The following ZDHHC3 variants were observed in gnomAD, a reference collection of about 807,000 sequenced individuals.
ZDHHC3 encodes the protein zDHHC palmitoyltransferase 3, also known as palmitoyltransferase ZDHHC3.
In ZDHHC3, 9 loss-of-function variants were observed where a neutral mutation model predicts 30.6. The observed-to-expected ratio is 0.29, with a 90% CI of 0.18 to 0.51. The LOEUF is 0.51. Among genes scored for constraint, ZDHHC3 ranks in the 20% least tolerant of loss-of-function variants. ZDHHC3 has a pLI of 0.97. For missense variants in ZDHHC3, 246 were observed against 384.2 expected, an observed-to-expected ratio of 0.64 and a Z score of 3.01; for synonymous variants, 136 against 140.2, an observed-to-expected ratio of 0.97 and a Z score of 0.21.
intron 2 of ZDHHC3, among the ~76,000 whole-genome samples, chr3:44,953,651 A>G (rs1339792415): frequency 6.6e-6 from 1 of 152,214 alleles, no homozygotes; most frequent in East Asian, 1.9e-4. Flanking sequence ...CCAGGCCTGC[A>G]TCACTGGCCA....
chr3:44,956,000 G>A lies in ZDHHC3; in HGVS notation c.306+3131C>T, dbSNP rs142036822. ...AAAATACACCTCTGGGAAGCTAACT[G>A]TTGTTTAGGATACAGTCTGTGCCTC... On this transcript the variant is annotated intron_variant, in intron 2 of 6. Transcript: ENST00000424952. 1.1e-3 allele frequency among the ~76,000 whole-genome samples: 171 copies of A among 152,336 alleles called. 1 individual carries two copies. The highest frequency in any genetic ancestry group is 4.1e-3 in the African/African-American group (169 of 41,556).
intron 1 of ZDHHC3, among the ~76,000 whole-genome samples, chr3:44,970,650 T>G (rs1182939997): frequency 6.6e-6 from 1 of 152,262 alleles, no homozygotes; most frequent in East Asian, 1.9e-4. Flanking sequence ...TTTGCTAATA[T>G]TCAAAAAGAA....
chr3:44,964,224 C>G (rs142626062), intron 1 of ZDHHC3, among the ~76,000 whole-genome samples: 1 of 152,094 alleles, frequency 6.6e-6, no homozygotes, highest in Admixed American at 6.5e-5. Flanking sequence ...CAGAAAAACC[C>G]GAACACCAAA....
At chr3:44,958,796 G>T in intron 2 of ZDHHC3, 1 of 954,888 alleles carries the variant, frequency 1.0e-6, no homozygotes, top group Non-Finnish European at 1.5e-6. Flanking sequence ...CTGATCATCT[G>T]GCCCCAGTCT....
In ZDHHC3 at chr3:44,945,256, T is replaced by C. The variant is rs376006143; in HGVS notation, c.343A>G (p.Ile115Val). The C allele has an allele frequency of 5.0e-6, 8 of 1,614,096 alleles. No individual in the cohort carries two copies. The highest frequency in any genetic ancestry group is 1.1e-5 in the South Asian group (1 of 91,092). Residue 115 changes from isoleucine (I) to valine (V), a missense_variant, in exon 3 of 7, where the codon ATC becomes GTC. Physicochemically the swap from Ile to Val is conservative, Grantham distance 29 (BLOSUM62 3). Coordinates refer to ENST00000424952, the MANE Select transcript of ZDHHC3 (RefSeq NM_001135179.2). The stretch of plus-strand genomic sequence containing the variant: ...CCAGGCTTCAACTGTAAACTCTCGA[T>C]GAATTCTTTAGTGGCATTTCCTTTG... ...VPKGNATKEFIESLQLKPGQV... is the reference protein window; with the variant it reads ...VPKGNATKEFVESLQLKPGQV...
At chr3:44,960,316 A>C (rs1043139419) in intron 1 of ZDHHC3, among the ~76,000 whole-genome samples, 1 of 152,174 alleles carries the variant, frequency 6.6e-6, no homozygotes, top group African/African-American at 2.4e-5. Flanking sequence ...TGCTGGTATG[A>C]AGGTTGAGGG....
chr3:44,946,667 G>C (rs1559690764), intron 2 of ZDHHC3, among the ~76,000 whole-genome samples: 1 of 152,160 alleles, frequency 6.6e-6, no homozygotes, highest in Admixed American at 6.5e-5. Flanking sequence ...ATGTATAGAG[G>C]CTGGCTAGGT....
intron 2 of ZDHHC3, chr3:44,958,644 C>T (rs1430660050): frequency 3.3e-6 from 5 of 1,536,000 alleles, no homozygotes; most frequent in Non-Finnish European, 4.4e-6. Flanking sequence ...GGAAAAGATG[C>T]ACCTCGCCCA....
intron 1 of ZDHHC3, among the ~76,000 whole-genome samples, chr3:44,968,666 A>T (rs1705157213): frequency 6.6e-6 from 1 of 152,248 alleles, no homozygotes; most frequent in Admixed American, 6.5e-5. Flanking sequence ...ACTGCACTCC[A>T]GCTTGGGTGA....
In ZDHHC3 at chr3:44,922,734, C is replaced by A. The variant is rs575981270; in HGVS notation, c.*3955G>T. ...TTAAGACACGGGCTGCTGGGCCCCGCTCGGTTTCTGGTTCGGTAGCCTGGG... is the reference window on the plus strand; with the variant it reads ...TTAAGACACGGGCTGCTGGGCCCCGATCGGTTTCTGGTTCGGTAGCCTGGG... On this transcript the variant is annotated 3_prime_UTR_variant, in exon 7 of 7. Transcript: ENST00000424952. 1 of 984,880 alleles carries A rather than the reference C, an allele frequency of 1.0e-6. No homozygotes were observed. The highest frequency in any genetic ancestry group is 1.1e-4 in the East Asian group (1 of 8,808). 61.0% of individuals were successfully genotyped at this position (984,880 alleles called of 1,614,324 possible). A position where few individuals can be genotyped will look rare whatever the true frequency, so the allele number is the denominator to read the frequency against.
intron 3 of ZDHHC3, among the ~76,000 whole-genome samples, chr3:44,936,424 A>G (rs1701964623): frequency 6.6e-6 from 1 of 152,256 alleles, no homozygotes; most frequent in Non-Finnish European, 1.5e-5. Flanking sequence ...AAATTGGTTC[A>G]ACCATTGTGG....
intron 2 of ZDHHC3, among the ~76,000 whole-genome samples, chr3:44,952,882 C>T (rs1011971822): frequency 2.0e-5 from 3 of 152,220 alleles, no homozygotes; most frequent in Admixed American, 6.5e-5. Flanking sequence ...GTATGGAACA[C>T]GTCATTTAAT....
chr3:44,961,007 C>T (rs2125913013), intron 1 of ZDHHC3, among the ~76,000 whole-genome samples: 1 of 152,364 alleles, frequency 6.6e-6, no homozygotes, highest in East Asian at 1.9e-4. Flanking sequence ...GCTAAATGTG[C>T]TATTACGTAT....
chr3:44,925,881 GATGAAACAAAGGAAAACGTAGCTTGC>G lies in ZDHHC3; in HGVS notation c.*782_*807del, dbSNP rs1700942647. 1 of 985,730 alleles carries G rather than the reference GATGAAACAAAGGAAAACGTAGCTTGC, an allele frequency of 1.0e-6. No individual in the cohort carries two copies. The highest frequency in any genetic ancestry group is 1.2e-6 in the Non-Finnish European group (1 of 829,948). The allele number at this position is 985,730 out of a possible 1,614,324, so 61.1% of individuals were successfully genotyped here. ...AGATGGGGTGGTGAGAGAGGAAGCA[GATGAAACAAAGGAAAACGTAGCTTGC>G]CTGAAATTGTGTAATTTTTTTTCCT... is the stretch of plus-strand genomic sequence containing the variant. On this transcript the variant is annotated 3_prime_UTR_variant, in exon 7 of 7. Coordinates refer to ENST00000424952, the MANE Select transcript of ZDHHC3 (RefSeq NM_001135179.2).
intron 2 of ZDHHC3, among the ~76,000 whole-genome samples, chr3:44,958,874 G>T (rs1332886954): frequency 6.6e-6 from 1 of 152,146 alleles, no homozygotes; most frequent in African/African-American, 2.4e-5. Context: ...CCCAGAGCAG[G>T]CCCAATGAAT....
Position 44,920,160 on chromosome 3 carries a change from A to T in ZDHHC3, c.*6529T>A. 1.6e-6 allele frequency: 2 copies of T among 1,267,800 alleles called. No individual in the cohort carries two copies. Among genetic ancestry groups the T allele is most frequent in the Non-Finnish European group, 1.0e-6 (1 of 973,158 alleles). The allele number at this position is 1,267,800 out of a possible 1,614,324, so 78.5% of individuals were successfully genotyped here. On this transcript the variant is annotated 3_prime_UTR_variant, in exon 7 of 7. Transcript: ENST00000424952. ...CAGAACAAAAATAGTTGTTTCAGAA[A>T]ATGGATCTTGTTGACACAAGTCTAA...
intron 1 of ZDHHC3, among the ~76,000 whole-genome samples, chr3:44,965,779 T>C (rs1183495400): frequency 6.6e-6 from 1 of 152,192 alleles, no homozygotes; most frequent in Non-Finnish European, 1.5e-5. Flanking sequence ...TCCTCTCAGA[T>C]TGCCAACAAG....
intron 1 of ZDHHC3, among the ~76,000 whole-genome samples, chr3:44,964,165 C>T (rs375988765): frequency 5.9e-5 from 9 of 152,302 alleles, no homozygotes; most frequent in East Asian, 1.9e-4. Context: ...CACAATAATG[C>T]TAACACATAG....
chr3:44,916,640 G>C lies in ZDHHC3; in HGVS notation c.*10049C>G, dbSNP rs1200108559. The C allele has an allele frequency of 2.0e-5, 3 of 152,350 alleles. No individual in the cohort carries two copies. The East Asian group carries it at 5.8e-4, about 29-fold the overall frequency. The allele number at this position is 152,350 out of a possible 1,614,324, so 9.4% of individuals were successfully genotyped here. A position where few individuals can be genotyped will look rare whatever the true frequency, so the allele number is the denominator to read the frequency against. ...ACAAAGGCACGTGGAGGGAGTGGGT[G>C]GTGAATCCACTTCTTATACCAAACG... is the stretch of plus-strand genomic sequence containing the variant. On this transcript the variant is annotated 3_prime_UTR_variant, in exon 7 of 7. Transcript: ENST00000424952.
Sources: allele counts gnomAD v4.1 joint callset (sites outside exome capture counted in the v4.1 genomes callset), GRCh38; gene constraint gnomAD v4.1.1; transcripts MANE v1.5; gene names NCBI Gene and HGNC (gene_info 2026-07-23, HGNC 2026-07-21).